Variants in CBLB observed in about 807,000 individuals in gnomAD.
CBLB encodes E3 ubiquitin-protein ligase CBL-B.
In CBLB, 31 loss-of-function variants were observed where a neutral mutation model predicts 104.9. The ratio of observed to expected loss-of-function variants is 0.30; its 90% confidence interval spans 0.22 to 0.40. The LOEUF (loss-of-function observed/expected upper bound fraction) is 0.40, where lower values mean the gene tolerates loss of function less well. Among genes scored for constraint, CBLB ranks in the 10% least tolerant of loss-of-function variants. The probability of loss-of-function intolerance (pLI) is 1.00; values close to 1 mark genes in which losing one functional copy is unlikely to be tolerated. For synonymous variants in CBLB, 440 were observed against 422.6 expected, an observed-to-expected ratio of 1.04 and a Z score of -0.51; for missense variants, 1,062 against 1,214.6, an observed-to-expected ratio of 0.87 and a Z score of 1.87.
intron 18 of CBLB, among the ~76,000 whole-genome samples, chr3:105,661,698 G>T (rs555961399): frequency 1.3e-5 from 2 of 152,234 alleles, no homozygotes; most frequent in South Asian, 4.1e-4. Flanking sequence ...TCTAATAAAT[G>T]GTATAACTGG....
At position 105,740,639 on chromosome 3, in the gene CBLB, A is replaced by G. The variant is rs1414630238; in HGVS notation, c.846-8T>C. On this transcript the variant is annotated splice_region_variant and splice_polypyrimidine_tract_variant and intron_variant, in intron 6 of 18. Coordinates refer to ENST00000394030, the MANE Select transcript of CBLB (RefSeq NM_170662.5). ...CTTAACCGGAAAATATAGCTGCAAA[A>G]CATAAGAAAATTACATCTAATTACA... 1 of 1,611,798 alleles carries G rather than the reference A, an allele frequency of 6.2e-7. No homozygotes were observed. Among genetic ancestry groups the G allele is most frequent in the Non-Finnish European group, 8.5e-7 (1 of 1,177,974 alleles).
chr3:105,832,857 G>A (rs962364949), intron 3 of CBLB, among the ~76,000 whole-genome samples: 2 of 152,164 alleles, frequency 1.3e-5, no homozygotes, highest in African/African-American at 4.8e-5. Flanking sequence ...CGAAGAAACA[G>A]AAACTGTGAC....
At chr3:105,696,807 C>T (rs1052674063) in intron 12 of CBLB, among the ~76,000 whole-genome samples, 8 of 151,872 alleles carry the variant, frequency 5.3e-5, no homozygotes, top group African/African-American at 1.7e-4. Context: ...TTTTAACTTT[C>T]CTTGCCATGG....
At chr3:105,677,669 A>T (rs1559781982) in intron 17 of CBLB, among the ~76,000 whole-genome samples, 1 of 150,486 alleles carries the variant, frequency 6.6e-6, no homozygotes, top group Admixed American at 6.6e-5. Context: ...TCCATATAAC[A>T]TTTTTTTTTC....
chr3:105,814,494 T>C (rs1016409537), intron 3 of CBLB, among the ~76,000 whole-genome samples: 4 of 152,152 alleles, frequency 2.6e-5, no homozygotes, highest in African/African-American at 4.8e-5. Flanking sequence ...ACTGAATATA[T>C]TGAAGGAAAA....
intron 18 of CBLB, among the ~76,000 whole-genome samples, chr3:105,662,504 A>T (rs2152673151): frequency 6.6e-6 from 1 of 152,330 alleles, no homozygotes; most frequent in East Asian, 1.9e-4. Context: ...AACTCTTATG[A>T]GTAATTGCAG....
chr3:105,685,534 A>T, intron 13 of CBLB, 68 bp from the exon 14 acceptor site: 1 of 1,287,358 alleles, frequency 7.8e-7, no homozygotes, highest in Non-Finnish European at 1.1e-6. Flanking sequence ...CTGATGTGAC[A>T]TATTCAAGTC....
intron 4 of CBLB, among the ~76,000 whole-genome samples, chr3:105,769,261 T>A (rs896278345): frequency 4.0e-5 from 6 of 151,708 alleles, no homozygotes; most frequent in Admixed American, 1.3e-4. Context: ...GAGGTTGCAG[T>A]GAGCCGAGAT....
At chr3:105,679,606 T>G (rs1049383016) in intron 16 of CBLB, among the ~76,000 whole-genome samples, 2 of 152,014 alleles carry the variant, frequency 1.3e-5, no homozygotes, top group Non-Finnish European at 2.9e-5. Flanking sequence ...TGAAACCCCA[T>G]GTCTGCTAAA....
At chr3:105,828,867 C>T (rs1012630643) in intron 3 of CBLB, among the ~76,000 whole-genome samples, 22 of 152,148 alleles carry the variant, frequency 1.4e-4, no homozygotes, top group African/African-American at 3.9e-4. Context: ...TTTTATACAA[C>T]GTTCTCTTGG....
At chr3:105,682,705 G>C (rs1027553833) in intron 14 of CBLB, among the ~76,000 whole-genome samples, 2 of 151,998 alleles carry the variant, frequency 1.3e-5, no homozygotes, top group Admixed American at 6.6e-5. Flanking sequence ...GTTTTGCCAT[G>C]TTGCCCAGGC....
chr3:105,767,231 GT>G (rs2078321907), intron 4 of CBLB, among the ~76,000 whole-genome samples: 1 of 151,886 alleles, frequency 6.6e-6, no homozygotes, highest in Non-Finnish European at 1.5e-5. Context: ...TTTCTACTGT[GT>G]ACCACTTCTT....
At chr3:105,735,221 A>G (rs2074783138) in intron 8 of CBLB, among the ~76,000 whole-genome samples, 1 of 152,220 alleles carries the variant, frequency 6.6e-6, no homozygotes, top group African/African-American at 2.4e-5. Flanking sequence ...ACATGCAGGT[A>G]CACACATGTA....
intron 10 of CBLB, 63 bp downstream of exon 10, chr3:105,719,984 A>T: frequency 8.3e-7 from 1 of 1,206,134 alleles, no homozygotes; most frequent in Non-Finnish European, 1.2e-6. Context: ...TCCATTTATG[A>T]CGGCATCATT....
chr3:105,864,459 T>C (rs1039801401), intron 2 of CBLB, among the ~76,000 whole-genome samples: 2 of 152,218 alleles, frequency 1.3e-5, no homozygotes, highest in African/African-American at 4.8e-5. Flanking sequence ...GATTAATACT[T>C]CTATCACTGT....
At chr3:105,811,854 C>T (rs916391211) in intron 3 of CBLB, among the ~76,000 whole-genome samples, 4 of 152,040 alleles carry the variant, frequency 2.6e-5, no homozygotes, top group African/African-American at 9.7e-5. Context: ...GGATTACAGG[C>T]GCCTGCCACT....
chr3:105,661,555 C>T (rs532483541), intron 18 of CBLB, among the ~76,000 whole-genome samples: 228 of 152,194 alleles, frequency 1.5e-3, no homozygotes, highest in Non-Finnish European at 2.7e-3. Flanking sequence ...TTGTTTTCTA[C>T]GGGTAATTTT....
At chr3:105,663,466 A>G (rs910744189) in intron 18 of CBLB, among the ~76,000 whole-genome samples, 4 of 152,144 alleles carry the variant, frequency 2.6e-5, no homozygotes, top group Non-Finnish European at 5.9e-5. Context: ...GTGCCTAATC[A>G]AAAGCAACAC....
chr3:105,822,595 C>T lies in CBLB; in HGVS notation c.419+30819G>A, dbSNP rs144005276. ...TCTAAAATGGAGTGAAGGGATAACA[C>T]TAGGACCTTTTTAGATATGCATGGG... is the stretch of plus-strand genomic sequence containing the variant. On this transcript the variant is annotated intron_variant, in intron 3 of 18. Coordinates refer to ENST00000394030, the MANE Select transcript of CBLB (RefSeq NM_170662.5). Among the ~76,000 whole-genome samples the T allele has an allele frequency of 1.1e-3, 168 of 152,254 alleles. 1 individual carries two copies. The highest frequency in any genetic ancestry group is 7.5e-3 in the South Asian group (36 of 4,814).
Sources: allele counts gnomAD v4.1 joint callset (sites outside exome capture counted in the v4.1 genomes callset), GRCh38; gene constraint gnomAD v4.1.1; transcripts MANE v1.5; gene names NCBI Gene and HGNC (gene_info 2026-07-23, HGNC 2026-07-21).